The following METAP1 variants were observed in gnomAD, a reference collection of about 807,000 sequenced individuals.
METAP1 encodes the protein methionine aminopeptidase 1.
METAP1 carries 28 observed loss-of-function variants against 53.8 expected under a neutral mutation model. The ratio of observed to expected loss-of-function variants is 0.52; its 90% CI spans 0.39 to 0.71. METAP1 has a LOEUF of 0.71. Among genes scored for constraint, METAP1 ranks in the 30% least tolerant of loss-of-function variants. The probability of loss-of-function intolerance (pLI) is 0.00; values close to 1 mark genes in which losing one functional copy is unlikely to be tolerated. For synonymous variants in METAP1, 181 were observed against 165.7 expected (o/e 1.09, Z -0.71); for missense variants, 389 against 479.8 (o/e 0.81, Z 1.77).
chr4:99,041,017 A>G, intron 5 of METAP1, 26 bp from the exon 6 acceptor site: 1 of 1,547,054 alleles, frequency 6.5e-7, no homozygotes. Flanking sequence ...GTCTTTTTTA[A>G]TGTATTGAGT....
intron 9 of METAP1, among the ~76,000 whole-genome samples, chr4:99,056,323 C>T (rs755066068): frequency 6.6e-6 from 1 of 152,096 alleles, no homozygotes; most frequent in Non-Finnish European, 1.5e-5. Flanking sequence ...CCATTTTTGT[C>T]TAAAAAAGCC....
chr4:99,057,903 T>A, intron 10 of METAP1, 85 bp downstream of exon 10: 2 of 1,222,480 alleles, frequency 1.6e-6, no homozygotes, highest in South Asian at 2.8e-5. Context: ...CTTTTCTACC[T>A]GCTTGCTTTT....
At chr4:99,004,447 AC>A (rs1723073402) in intron 1 of METAP1, among the ~76,000 whole-genome samples, 1 of 13,300 alleles carries the variant, frequency 7.5e-5, no homozygotes, top group Admixed American at 8.6e-4. Context: ...GTGGACAGAT[AC>A]ACACACACAC....
chr4:99,021,744 T>A (rs1258321873), intron 1 of METAP1, among the ~76,000 whole-genome samples: 1 of 151,950 alleles, frequency 6.6e-6, no homozygotes, highest in African/African-American at 2.4e-5. Context: ...CTTAACTGGG[T>A]TGGGTAATAA....
chr4:99,042,805 C>G (rs980541616), intron 6 of METAP1, among the ~76,000 whole-genome samples: 3 of 151,864 alleles, frequency 2.0e-5, no homozygotes, highest in Non-Finnish European at 4.4e-5. Context: ...ATCTGAAATG[C>G]TTTGGACCAG....
In METAP1 at chr4:99,021,216, C is replaced by T. The variant is rs113081223; in HGVS notation, c.115-7651C>T. Among the ~76,000 whole-genome samples the T allele has an allele frequency of 2.7e-3, 411 of 152,272 alleles. 4 individuals are homozygous for T. Among genetic ancestry groups the T allele is most frequent in the African/African-American group, 9.4e-3 (389 of 41,536 alleles). Reference sequence around the variant, plus strand: ...CCTCTTACAGTCACTTTCTCTCAACCACAGTCATTCACTCACATACATCAC... The same window carrying T: ...CCTCTTACAGTCACTTTCTCTCAACTACAGTCATTCACTCACATACATCAC... On this transcript the variant is annotated intron_variant, in intron 1 of 10. Coordinates refer to ENST00000296411, the MANE Select transcript of METAP1 (RefSeq NM_015143.3).
intron 10 of METAP1, among the ~76,000 whole-genome samples, chr4:99,060,034 A>G (rs1255992422): frequency 6.6e-6 from 1 of 152,224 alleles, no homozygotes; most frequent in Admixed American, 6.5e-5. Context: ...ATATATGCTG[A>G]GTATAGTTTT....
chr4:99,038,979 T>A (rs142854150), intron 4 of METAP1, among the ~76,000 whole-genome samples: 1 of 152,316 alleles, frequency 6.6e-6, no homozygotes, highest in African/African-American at 2.4e-5. Flanking sequence ...CAGAAAATAG[T>A]GTAATTAATT....
rs1450182200 is a variant in METAP1, at chr4:99,030,902, T to C, written c.166+1984T>C. The stretch of plus-strand genomic sequence containing the variant: ...TTGGTATTGGAGCAATTCTGGACTC[T>C]TAAAATAAAATGGGATATATTTCCC... On this transcript the variant is annotated intron_variant, in intron 2 of 10. Coordinates refer to ENST00000296411, the MANE Select transcript of METAP1 (RefSeq NM_015143.3). Among the ~76,000 whole-genome samples, 5 of 152,088 alleles carry C rather than the reference T, an allele frequency of 3.3e-5. No homozygotes were observed. In the East Asian group the frequency reaches 9.6e-4, roughly 29 times the overall value.
At chr4:99,060,807 A>G (rs895889985) in intron 10 of METAP1, among the ~76,000 whole-genome samples, 9 of 152,218 alleles carry the variant, frequency 5.9e-5, no homozygotes, top group African/African-American at 1.4e-4. Flanking sequence ...CATAGGGTAC[A>G]TAGTGATGCT....
At chr4:99,015,406 G>A (rs1003059761) in intron 1 of METAP1, among the ~76,000 whole-genome samples, 2 of 152,172 alleles carry the variant, frequency 1.3e-5, no homozygotes, top group Non-Finnish European at 2.9e-5. Flanking sequence ...TTTGACATTT[G>A]CCCAATACCG....
intron 9 of METAP1, among the ~76,000 whole-genome samples, chr4:99,056,451 C>T (rs1319908363): frequency 6.6e-6 from 1 of 152,028 alleles, no homozygotes; most frequent in African/African-American, 2.4e-5. Flanking sequence ...TGAACTTGGA[C>T]AAAGAAGCTA....
intron 1 of METAP1, among the ~76,000 whole-genome samples, chr4:99,019,779 C>T (rs1046187617): frequency 1.1e-4 from 16 of 152,170 alleles, no homozygotes; most frequent in Admixed American, 5.9e-4. Flanking sequence ...GTAGCTTCCT[C>T]GCGATACCTG....
chr4:99,040,407 G>A (rs1725769918), intron 5 of METAP1, among the ~76,000 whole-genome samples: 1 of 151,114 alleles, frequency 6.6e-6, no homozygotes, highest in Admixed American at 6.6e-5. Flanking sequence ...TTCTAATTTT[G>A]TTTGATATCC....
chr4:98,999,508 ATTTTTTTTTT>A (rs58336779), intron 1 of METAP1, among the ~76,000 whole-genome samples: 1 of 113,052 alleles, frequency 8.8e-6, no homozygotes, highest in Non-Finnish European at 1.8e-5. Flanking sequence ...AGGATGCTTA[ATTTTTTTTTT>A]TTTTTTTTTT....
intron 1 of METAP1, chr4:99,026,276 T>G: frequency 1.0e-6 from 1 of 984,986 alleles, no homozygotes; most frequent in Non-Finnish European, 1.2e-6. Flanking sequence ...ACTAAAGTTT[T>G]ACCTACTAGT....
intron 1 of METAP1, chr4:99,022,344 G>A (rs998428043): frequency 4.7e-6 from 4 of 856,188 alleles, no homozygotes; most frequent in Non-Finnish European, 6.6e-6. Context: ...ATCCCTCCAT[G>A]CTCTCTGAGG....
chr4:99,027,737 A>G (rs1489650377), intron 1 of METAP1, among the ~76,000 whole-genome samples: 1 of 152,090 alleles, frequency 6.6e-6, no homozygotes, highest in Non-Finnish European at 1.5e-5. Context: ...ACCTTTTTAT[A>G]CATTTGGAAT....
intron 1 of METAP1, among the ~76,000 whole-genome samples, chr4:99,019,961 A>ATAAAAG (rs1723988594): frequency 6.6e-6 from 1 of 152,140 alleles, no homozygotes; most frequent in Admixed American, 6.5e-5. Flanking sequence ...GTCTGGGTGC[A>ATAAAAG]GACTCCTTGA....
Sources: gnomAD v4.1 joint callset for allele counts (sites outside exome capture counted in the v4.1 genomes callset) on GRCh38, gnomAD v4.1.1 for gene constraint, MANE v1.5 for transcripts, NCBI Gene and HGNC (gene_info 2026-07-23, HGNC 2026-07-21) for gene names.